Variants in PSMD13 observed in about 807,000 individuals in gnomAD.
The protein encoded by PSMD13 is 26S proteasome non-ATPase regulatory subunit 13.
PSMD13 carries 8 observed loss-of-function variants against 57.4 expected under a neutral mutation model. The ratio of observed to expected loss-of-function variants is 0.14; its 90% CI spans 0.08 to 0.25. The LOEUF (loss-of-function observed/expected upper bound fraction) is 0.25, where lower values mean the gene tolerates loss of function less well. Among genes scored for constraint, PSMD13 ranks in the 10% least tolerant of loss-of-function variants. PSMD13 has a pLI of 1.00. For missense variants in PSMD13, 400 were observed against 461.5 expected (o/e 0.87, Z 1.22); for synonymous variants, 193 against 168.2 (o/e 1.15, Z -1.14).
intron 6 of PSMD13, 130 bp from the exon 7 acceptor site, chr11:247,147 C>CG: frequency 1.2e-6 from 1 of 821,600 alleles, no homozygotes; most frequent in East Asian, 2.8e-5. Context: ...ACTACAGAGG[C>CG]TGAGGTGGGA....
intron 9 of PSMD13, 27 bp from the exon 10 acceptor site, chr11:250,776 A>G (rs372727586): frequency 1.9e-6 from 3 of 1,608,206 alleles, no homozygotes; most frequent in South Asian, 1.1e-5. Flanking sequence ...CATGGAAGAC[A>G]TTTTTCTGTC....
chr11:243,607 C>A, intron 2 of PSMD13: 1 of 378,022 alleles, frequency 2.6e-6, no homozygotes. Flanking sequence ...TAAACCTGTC[C>A]TGGTAGGCTG....
At chr11:242,849 G>T (rs900346410) in intron 2 of PSMD13, among the ~76,000 whole-genome samples, 1 of 151,474 alleles carries the variant, frequency 6.6e-6, no homozygotes, top group Non-Finnish European at 1.5e-5. Flanking sequence ...AGGCTGGAAT[G>T]CAATGGCACA....
chr11:252,846 G>A lies in PSMD13; in HGVS notation c.*246G>A, dbSNP rs1859796069. 2 of 461,408 alleles carry A rather than the reference G, an allele frequency of 4.3e-6. No homozygotes were observed. The highest frequency in any genetic ancestry group is 3.0e-5 in the South Asian group (1 of 33,568). The allele number at this position is 461,408 out of a possible 1,614,324, so 28.6% of individuals were successfully genotyped here. ...TCTCAGGGTCTTAGGTGATACGGGA[G>A]AGAAAGAACGTGCCAGGCAGGAGGC... On this transcript the variant is annotated 3_prime_UTR_variant, in exon 13 of 13. Transcript: ENST00000532097. This position sits in a 1 kb window ranked among gnomAD's most constrained non-coding sequence, Gnocchi z 4.1.
In PSMD13 at chr11:252,639, TGA is replaced by T. The variant is rs1859790085; in HGVS notation, c.*45_*46del. 6 of 1,590,048 alleles carry T rather than the reference TGA, an allele frequency of 3.8e-6. No individual in the cohort carries two copies. The highest frequency in any genetic ancestry group is 5.2e-6 in the Non-Finnish European group (6 of 1,159,102). ...CCCGTCGTGTCTCCTTTGACTCACC[TGA>T]GAGAGGCGTTTGCAGCCAATGAAGC... is the stretch of plus-strand genomic sequence containing the variant. On this transcript the variant is annotated 3_prime_UTR_variant, in exon 13 of 13. Transcript: ENST00000532097. The surrounding 1 kb of genome is among the most constrained non-coding windows in gnomAD (Gnocchi z 4.1).
intron 6 of PSMD13, among the ~76,000 whole-genome samples, chr11:246,410 C>T (rs981700800): frequency 2.6e-5 from 4 of 152,018 alleles, no homozygotes; most frequent in African/African-American, 7.2e-5. Context: ...GCTGAGGCAG[C>T]GAATTGCTTC....
At chr11:237,741 T>A (rs1859366829) in intron 1 of PSMD13, among the ~76,000 whole-genome samples, 1 of 152,238 alleles carries the variant, frequency 6.6e-6, no homozygotes, top group Non-Finnish European at 1.5e-5. Flanking sequence ...ATGGGCTTTC[T>A]GCCCCTAGAA....
rs982338852 is a variant in PSMD13 at position 252,416 on chromosome 11, T to C, written c.1036-89T>C. On this transcript the variant is annotated intron_variant, in intron 12 of 12. Transcript: ENST00000532097. This position sits in a 1 kb window ranked among gnomAD's most constrained non-coding sequence, Gnocchi z 4.1. ...TGCCCTAGAGAGTTAGCTGGAGATG[T>C]AGAGTCACCCCATCAGGTGCTGTGC... 3 of 1,213,882 alleles carry C rather than the reference T, an allele frequency of 2.5e-6. No homozygotes were observed. The highest frequency in any genetic ancestry group is 2.4e-6 in the Non-Finnish European group (2 of 820,854). 75.2% of individuals were successfully genotyped at this position (1,213,882 alleles called of 1,614,324 possible).
At position 252,496 on chromosome 11, in the gene PSMD13, C is replaced by T. The variant is rs1237051980; in HGVS notation, c.1036-9C>T. The T allele has an allele frequency of 6.2e-7, 1 of 1,613,770 alleles. No homozygotes were observed. Among genetic ancestry groups the T allele is most frequent in the South Asian group, 1.1e-5 (1 of 91,064 alleles). On this transcript the variant is annotated splice_polypyrimidine_tract_variant and intron_variant, in intron 12 of 12. Coordinates refer to ENST00000532097, the MANE Select transcript of PSMD13 (RefSeq NM_002817.4). This position sits in a 1 kb window ranked among gnomAD's most constrained non-coding sequence, Gnocchi z 4.1. The stretch of plus-strand genomic sequence containing the variant: ...CTTAACGTCCCTTGTGTCCGGATTT[C>T]CATTTCAGATCAAGGGAATGAAGGA...
chr11:248,247 A>G (rs887548002), intron 7 of PSMD13: 81 of 155,260 alleles, frequency 5.2e-4, no homozygotes, highest in Non-Finnish European at 2.3e-4. Context: ...TGTTCAGAAA[A>G]TAAATTTTCA....
chr11:243,099 C>T (rs531033358), intron 2 of PSMD13: 8 of 551,694 alleles, frequency 1.5e-5, no homozygotes, highest in Middle Eastern at 6.0e-4. Flanking sequence ...CGGATGGTTA[C>T]GTCTTTTTCT....
At chr11:242,130 CT>C (rs34761485) in intron 2 of PSMD13, among the ~76,000 whole-genome samples, 1 of 137,658 alleles carries the variant, frequency 7.3e-6, no homozygotes, top group African/African-American at 2.9e-5. Flanking sequence ...ACTTCTGCCC[CT>C]TTTTTTTTCT....
At position 239,047 on chromosome 11, in the gene PSMD13, T is replaced by C; in HGVS notation, c.145T>C (p.Cys49Arg). 6.2e-7 allele frequency: 1 copy of C among 1,614,204 alleles called. No individual in the cohort carries two copies. Among genetic ancestry groups the C allele is most frequent in the Non-Finnish European group, 8.5e-7 (1 of 1,180,030 alleles). ...LQVLDFVQDP[C>R]FAQGDGLIKL... The stretch of plus-strand genomic sequence containing the variant: ...GGTGCTTGATTTTGTGCAGGATCCG[T>C]GCTTTGCCCAAGGAGATGGTCTCAT... The change falls in exon 2 of 13, where the codon TGC becomes CGC. Residue 49 changes from cysteine (C) to arginine (R), a missense_variant. Cys to Arg is a radical substitution (Grantham distance 180). Transcript: ENST00000532097.
At chr11:244,522 C>T in intron 5 of PSMD13, 53 bp downstream of exon 5, 2 of 1,562,698 alleles carry the variant, frequency 1.3e-6, no homozygotes, top group Non-Finnish European at 8.8e-7. Context: ...GTATGTATGA[C>T]TTAACAGCTT....
chr11:244,083 CCT>C lies in PSMD13; in HGVS notation c.209+12_209+13del. The C allele has an allele frequency of 1.2e-6, 2 of 1,609,222 alleles. No individual in the cohort carries two copies. Among genetic ancestry groups the C allele is most frequent in the Non-Finnish European group, 1.7e-6 (2 of 1,177,214 alleles). ...CAGTGAATTTGAACACAGGTAAAAG[CCT>C]CTCATCCGTTTTTCACTTTGAAAAT... On this transcript the variant is annotated intron_variant, in intron 3 of 12. Transcript: ENST00000532097.
chr11:245,043 C>A (rs973740786), intron 6 of PSMD13, among the ~76,000 whole-genome samples: 1 of 151,490 alleles, frequency 6.6e-6, no homozygotes, highest in East Asian at 2.0e-4. Flanking sequence ...CGGGTTCAAG[C>A]AATTCTCCTG....
intron 2 of PSMD13, among the ~76,000 whole-genome samples, chr11:241,159 G>T (rs1274894044): frequency 6.6e-6 from 1 of 150,386 alleles, no homozygotes; most frequent in Non-Finnish European, 1.5e-5. Flanking sequence ...GTGGGCAAAG[G>T]GACAGAGTCT....
intron 1 of PSMD13, among the ~76,000 whole-genome samples, chr11:237,452 C>G (rs1332027554): frequency 2.0e-5 from 3 of 152,192 alleles, no homozygotes; most frequent in Non-Finnish European, 4.4e-5. Flanking sequence ...TCGGGTCTTA[C>G]TAAAACGGTT....
rs199600025 is a variant in PSMD13, at chr11:237,161, C to A, written c.95+17C>A. 1 of 1,603,930 alleles carries A rather than the reference C, an allele frequency of 6.2e-7. No homozygotes were observed. The highest frequency in any genetic ancestry group is 2.2e-5 in the East Asian group (1 of 44,514). On this transcript the variant is annotated intron_variant, in intron 1 of 12. Coordinates refer to ENST00000532097, the MANE Select transcript of PSMD13 (RefSeq NM_002817.4). ...CACGAAGAAGTGAGCGCCGAGCAGA[C>A]GGGCCCTGGGCCCCGGCGATAGAGG...
Sources: gnomAD v4.1 joint callset for allele counts (sites outside exome capture counted in the v4.1 genomes callset) on GRCh38, gnomAD v4.1.1 for gene constraint, Gnocchi (gnomAD v3.1) non-coding constraint, MANE v1.5 for transcripts, NCBI Gene and HGNC (gene_info 2026-07-23, HGNC 2026-07-21) for gene names.